VDAC2: variants seen among roughly 807,000 people sequenced by gnomAD.
VDAC2 encodes voltage dependent anion channel 2, also known as non-selective voltage-gated ion channel VDAC2.
VDAC2 carries 6 observed loss-of-function variants against 36.6 expected under a neutral mutation model. That is an observed-to-expected ratio of 0.16 (90% CI 0.09 to 0.32). The LOEUF (loss-of-function observed/expected upper bound fraction) is 0.32. Among genes scored for constraint, VDAC2 ranks in the 10% least tolerant of loss-of-function variants. The probability of loss-of-function intolerance (pLI) is 1.00; values close to 1 mark genes in which losing one functional copy is unlikely to be tolerated. For missense variants in VDAC2, 247 were observed against 346.0 expected (o/e 0.71, Z 2.27); for synonymous variants, 109 against 123.8 (o/e 0.88, Z 0.79).
intron 3 of VDAC2, among the ~76,000 whole-genome samples, chr10:75,212,969 T>A (rs1841475538): frequency 6.6e-6 from 1 of 152,220 alleles, no homozygotes; most frequent in Non-Finnish European, 1.5e-5. Context: ...TCAGGTGAAT[T>A]TGAGTTTTCT....
intron 7 of VDAC2, among the ~76,000 whole-genome samples, chr10:75,221,963 A>G (rs1564713665): frequency 6.6e-6 from 1 of 152,236 alleles, no homozygotes; most frequent in Non-Finnish European, 1.5e-5. Flanking sequence ...GTGTGTGTAT[A>G]TATACTTATA....
rs1564712129 is a variant in VDAC2 at position 75,219,280 on chromosome 10, CAA to C, written c.304-22_304-21del. 1.9e-6 allele frequency: 3 copies of C among 1,573,952 alleles called. 1 individual carries two copies. Among genetic ancestry groups the C allele is most frequent in the South Asian group, 2.4e-5 (2 of 82,372 alleles). ...ATTTTTGTATTTCAAAAAAAGAAAA[CAA>C]ATTACTTTTCTTTCAAAATAGATTT... is the stretch of plus-strand genomic sequence containing the variant. On this transcript the variant is annotated intron_variant, in intron 5 of 9. Coordinates refer to ENST00000332211, the MANE Select transcript of VDAC2 (RefSeq NM_001391963.1).
intron 8 of VDAC2, among the ~76,000 whole-genome samples, chr10:75,228,423 A>G (rs940802908): frequency 6.6e-6 from 1 of 151,920 alleles, no homozygotes; most frequent in Non-Finnish European, 1.5e-5. Flanking sequence ...ATACCAAGCT[A>G]GGAAAATTTT....
chr10:75,210,394 G>A (rs1047898072), upstream of VDAC2, among the ~76,000 whole-genome samples: 14 of 152,194 alleles, frequency 9.2e-5, no homozygotes, highest in East Asian at 2.7e-3. Context: ...TTTGTTTCGG[G>A]GGGGAACCCG....
Position 75,212,247 on chromosome 10 carries a change from T to A in VDAC2, c.49T>A (p.Ser17Thr). 6.2e-7 allele frequency: 1 copy of A among 1,613,792 alleles called. No homozygotes were observed. The highest frequency in any genetic ancestry group is 8.5e-7 in the Non-Finnish European group (1 of 1,179,946). The change falls in exon 3 of 10, where the codon TCA (serine) becomes ACA (threonine). Residue 17 changes from serine to threonine, a missense_variant. Ser to Thr is a moderately conservative substitution (Grantham distance 58). Transcript: ENST00000332211. Reference sequence around the variant, plus strand: ...TCTACCAGCAATGTGTATTCCTCCATCATATGCTGACCTTGGCAAAGCTGC... The same window carrying A: ...TCTACCAGCAATGTGTATTCCTCCAACATATGCTGACCTTGGCAAAGCTGC... ...TCARPMCIPP[S>T]YADLGKAARD...
chr10:75,211,134 A>C lies in VDAC2; in HGVS notation c.-25A>C. The C allele has an allele frequency of 1.2e-6, 2 of 1,609,784 alleles. No homozygotes were observed. Among genetic ancestry groups the C allele is most frequent in the Non-Finnish European group, 1.7e-6 (2 of 1,178,086 alleles). On this transcript the variant is annotated splice_region_variant and 5_prime_UTR_variant, in exon 2 of 10. Transcript: ENST00000332211. Reference sequence around the variant, plus strand: ...ACCGCACTTCTTGTCCCTCCCGCAGATTCCCCTCTTCCCGCGGCCTCGCCA... The same window carrying C: ...ACCGCACTTCTTGTCCCTCCCGCAGCTTCCCCTCTTCCCGCGGCCTCGCCA...
At chr10:75,210,785 T>A (rs756488534), upstream of VDAC2, 2 of 191,322 alleles carry the variant, frequency 1.0e-5, no homozygotes, top group Non-Finnish European at 2.1e-5. Context: ...AGCGGCGGGG[T>A]CCTGTCTGGG....
chr10:75,226,622 C>T (rs1258744371), intron 8 of VDAC2, among the ~76,000 whole-genome samples: 2 of 151,742 alleles, frequency 1.3e-5, no homozygotes, highest in Non-Finnish European at 2.9e-5. Flanking sequence ...GCCACCAAGC[C>T]CGACTAATTT....
At chr10:75,227,677 C>A (rs1295539978) in intron 8 of VDAC2, among the ~76,000 whole-genome samples, 3 of 144,630 alleles carry the variant, frequency 2.1e-5, no homozygotes, top group African/African-American at 5.2e-5. Context: ...ACCTCTGCCA[C>A]CCGGATTCAA....
intron 4 of VDAC2, among the ~76,000 whole-genome samples, chr10:75,215,905 A>AG (rs1234137280): frequency 1.3e-5 from 2 of 151,312 alleles, no homozygotes; most frequent in African/African-American, 4.9e-5. Context: ...TATTTTTAGT[A>AG]GAAACAGGGT....
intron 9 of VDAC2, 129 bp downstream of exon 9, chr10:75,229,830 T>G (rs1320757589): frequency 6.4e-6 from 4 of 622,064 alleles, no homozygotes; most frequent in Non-Finnish European, 1.0e-5. Context: ...AATACGTGTT[T>G]ACCTTTTACC....
At chr10:75,212,849 TTTAA>T (rs2132251899) in intron 3 of VDAC2, among the ~76,000 whole-genome samples, 1 of 152,320 alleles carries the variant, frequency 6.6e-6, no homozygotes, top group Non-Finnish European at 1.5e-5. Flanking sequence ...CGGCTCGTGC[TTTAA>T]TTTTTTTTCA....
intron 9 of VDAC2, among the ~76,000 whole-genome samples, chr10:75,230,060 A>G (rs1203171220): frequency 1.3e-5 from 2 of 152,150 alleles, no homozygotes; most frequent in Non-Finnish European, 1.5e-5. Context: ...TTGTTGATCA[A>G]AGTTCACTCA....
At chr10:75,219,251 ATTTATT>A in intron 5 of VDAC2, 36 bp downstream of exon 5, 1 of 1,555,088 alleles carries the variant, frequency 6.4e-7, no homozygotes, top group East Asian at 2.4e-5. Context: ...AATTTTATTA[ATTTATT>A]TTTGTATTTC....
intron 8 of VDAC2, among the ~76,000 whole-genome samples, chr10:75,222,790 A>G (rs1841852992): frequency 2.0e-5 from 3 of 152,034 alleles, no homozygotes. Flanking sequence ...GCACCTTGAC[A>G]TCCTGGGTTC....
At chr10:75,220,534 T>G (rs779588746) in intron 6 of VDAC2, among the ~76,000 whole-genome samples, 30 of 152,320 alleles carry the variant, frequency 2.0e-4, no homozygotes, top group Non-Finnish European at 3.4e-4. Context: ...GATTGTTTGT[T>G]CTGCAAAGCA....
At chr10:75,227,577 A>ATTTTTTTTTTTTTTTTTTTTTTT (rs35378957) in intron 8 of VDAC2, among the ~76,000 whole-genome samples, 2 of 99,928 alleles carry the variant, frequency 2.0e-5, no homozygotes, top group African/African-American at 4.5e-5. Context: ...AATAATAGGA[A>ATTTTTTTTTTTTTTTTTTTTTTT]TTTTTTTTTT....
At chr10:75,215,026 A>G (rs1280450906) in intron 4 of VDAC2, among the ~76,000 whole-genome samples, 2 of 151,516 alleles carry the variant, frequency 1.3e-5, no homozygotes, top group East Asian at 3.9e-4. Context: ...CAATCTTCCC[A>G]CCTCAGCCTC....
intron 3 of VDAC2, among the ~76,000 whole-genome samples, chr10:75,213,233 C>T (rs549269315): frequency 6.6e-6 from 1 of 150,918 alleles, no homozygotes; most frequent in South Asian, 2.1e-4. Flanking sequence ...CACATGCCAC[C>T]ATGCCCAGCT....
Sources: gnomAD v4.1 joint callset for allele counts (sites outside exome capture counted in the v4.1 genomes callset) on GRCh38, gnomAD v4.1.1 for gene constraint, MANE v1.5 for transcripts, NCBI Gene and HGNC (gene_info 2026-07-23, HGNC 2026-07-21) for gene names.